KCNQ1: variants seen among roughly 807,000 people sequenced by gnomAD.
The protein encoded by KCNQ1 is potassium voltage-gated channel subfamily Q member 1.
Under a neutral mutation model 72.4 loss-of-function variants are expected in KCNQ1, and 49 were observed. The observed-to-expected ratio is 0.68, with a 90% confidence interval of 0.54 to 0.86. The LOEUF (loss-of-function observed/expected upper bound fraction) is 0.86. Ranked by LOEUF, KCNQ1 falls within the 40% of genes least tolerant of loss-of-function variation. The pLI, the probability that KCNQ1 is intolerant of heterozygous loss-of-function variation, is 0.00. For missense variants in KCNQ1, 790 were observed against 945.1 expected (o/e 0.84, Z 2.15); for synonymous variants, 450 against 412.6 (o/e 1.09, Z -1.10).
chr11:2,632,836 T>C (rs1424423215), intron 10 of KCNQ1: 1 of 398,470 alleles, frequency 2.5e-6, no homozygotes, highest in Non-Finnish European at 4.4e-6. Context: ...AGATTTAAGT[T>C]GATTCCATAT....
chr11:2,462,803 G>A lies in KCNQ1; in HGVS notation c.386+17319G>A, dbSNP rs1846297511. On this transcript the variant is annotated intron_variant, in intron 1 of 15. Transcript: ENST00000155840. The surrounding 1 kb of genome is among the most constrained non-coding windows in gnomAD (Gnocchi z 8.2). ...GGAAGGCCTGGAGGTTTGAGGAGCA[G>A]AAAGTAGACCCTTGACCCTCCCTGG... 6.6e-6 allele frequency among the ~76,000 whole-genome samples: 1 copy of A among 152,170 alleles called. No homozygotes were observed. The highest frequency in any genetic ancestry group is 1.5e-5 in the Non-Finnish European group (1 of 68,020).
At chr11:2,525,873 C>T (rs1847493867) in intron 1 of KCNQ1, among the ~76,000 whole-genome samples, 1 of 152,212 alleles carries the variant, frequency 6.6e-6, no homozygotes, top group South Asian at 2.1e-4. Flanking sequence ...CAGGCTGCGT[C>T]CCGGGCATGG....
intron 1 of KCNQ1, among the ~76,000 whole-genome samples, chr11:2,485,520 T>C (rs972822049): frequency 6.6e-6 from 1 of 152,064 alleles, no homozygotes; most frequent in Non-Finnish European, 1.5e-5. Context: ...AGATCTTTAA[T>C]TGCGGTAAGA....
chr11:2,650,710 G>GT, intron 10 of KCNQ1: 1 of 398,640 alleles, frequency 2.5e-6, no homozygotes, highest in East Asian at 3.6e-5. Flanking sequence ...GCAGTGCTGG[G>GT]CAGGGGACTA....
At chr11:2,812,591 C>A (rs1240360740) in intron 15 of KCNQ1, among the ~76,000 whole-genome samples, 3 of 152,222 alleles carry the variant, frequency 2.0e-5, no homozygotes, top group African/African-American at 4.8e-5. Flanking sequence ...TCCCCAGGGG[C>A]TCCCGGCTTT....
At chr11:2,636,379 G>C (rs1405287805) in intron 10 of KCNQ1, 1 of 151,934 alleles carries the variant, frequency 6.6e-6, no homozygotes, top group East Asian at 1.9e-4. Context: ...AATTTATTGA[G>C]AGTTTTTAGC....
Position 2,627,079 on chromosome 11 carries a change from C to A in KCNQ1, c.1394-34882C>A, listed in dbSNP as rs1849273293. ...CATAGGAGGTGTTTTCCCTTTATGTCTACTTTAATTTCTTTCAGCATTGTT... is the reference window on the plus strand; with the variant it reads ...CATAGGAGGTGTTTTCCCTTTATGTATACTTTAATTTCTTTCAGCATTGTT... On this transcript the variant is annotated intron_variant, in intron 10 of 15. Transcript: ENST00000155840. This position sits in a 1 kb window ranked among gnomAD's most constrained non-coding sequence, Gnocchi z 4.9. 2 of 398,450 alleles carry A rather than the reference C, an allele frequency of 5.0e-6. No homozygotes were observed. Among genetic ancestry groups the A allele is most frequent in the Non-Finnish European group, 8.8e-6 (2 of 226,020 alleles). The allele number at this position is 398,450 out of a possible 1,614,324, so 24.7% of individuals were successfully genotyped here.
At chr11:2,697,779 C>T in intron 11 of KCNQ1, 1 of 398,594 alleles carries the variant, frequency 2.5e-6, no homozygotes, top group Non-Finnish European at 4.4e-6. Context: ...TAGCATTGTA[C>T]AAGGAACTTC....
In KCNQ1 at chr11:2,673,254, A is replaced by T. The variant is rs940976036; in HGVS notation, c.1514+11173A>T. 2.6e-4 allele frequency: 103 copies of T among 398,684 alleles called. 1 individual carries two copies. The highest frequency in any genetic ancestry group is 1.3e-3 in the East Asian group (36 of 28,076). The allele number at this position is 398,684 out of a possible 1,614,324, so 24.7% of individuals were successfully genotyped here. A position where few individuals can be genotyped will look rare whatever the true frequency, so the allele number is the denominator to read the frequency against. On this transcript the variant is annotated intron_variant, in intron 11 of 15. Transcript: ENST00000155840. The surrounding 1 kb of genome is among the most constrained non-coding windows in gnomAD (Gnocchi z 4.5). ...AGATTCTGGGGACTGGGTGATGCAG[A>T]CTGCAAAGCCTCAGCCACCTTCTCC...
At position 2,734,708 on chromosome 11, in the gene KCNQ1, G is replaced by A. The variant is rs1262880553; in HGVS notation, c.1515-34136G>A. On this transcript the variant is annotated intron_variant, in intron 11 of 15. Coordinates refer to ENST00000155840, the MANE Select transcript of KCNQ1 (RefSeq NM_000218.3). The surrounding 1 kb of genome is among the most constrained non-coding windows in gnomAD (Gnocchi z 7.0). ...AGGCACATTCAGTGCCAGCCAGGGA[G>A]GTGAGAGGTAATCCTGGAAGCTGCT... Among the ~76,000 whole-genome samples, 1 of 152,082 alleles carries A rather than the reference G, an allele frequency of 6.6e-6. No homozygotes were observed. The highest frequency in any genetic ancestry group is 1.5e-5 in the Non-Finnish European group (1 of 68,020).
In KCNQ1 at chr11:2,682,773, G is replaced by C; in HGVS notation, c.1514+20692G>C. 3 of 398,656 alleles carry C rather than the reference G, an allele frequency of 7.5e-6. No individual in the cohort carries two copies. The highest frequency in any genetic ancestry group is 8.8e-6 in the Non-Finnish European group (2 of 226,094). The allele number at this position is 398,656 out of a possible 1,614,324, so 24.7% of individuals were successfully genotyped here. A position where few individuals can be genotyped will look rare whatever the true frequency, so the allele number is the denominator to read the frequency against. ...TCTCTGTTGACATTCTAGAAATGCA[G>C]GGAAATCTGGGCACCATGAAATGCA... On this transcript the variant is annotated intron_variant, in intron 11 of 15. Coordinates refer to ENST00000155840, the MANE Select transcript of KCNQ1 (RefSeq NM_000218.3). The surrounding 1 kb of genome is among the most constrained non-coding windows in gnomAD (Gnocchi z 5.8).
chr11:2,583,114 C>A (rs950905606), intron 6 of KCNQ1, among the ~76,000 whole-genome samples: 1 of 152,116 alleles, frequency 6.6e-6, no homozygotes, highest in Non-Finnish European at 1.5e-5. Context: ...CTCCTGGGGA[C>A]AGGCAGGCAG....
At chr11:2,846,717 C>A (rs947606001) in intron 15 of KCNQ1, among the ~76,000 whole-genome samples, 3 of 152,262 alleles carry the variant, frequency 2.0e-5, no homozygotes, top group Admixed American at 6.5e-5. Flanking sequence ...CACTTCCCAC[C>A]CGGGGCGGGC....
chr11:2,501,403 T>G (rs905740286), intron 1 of KCNQ1, among the ~76,000 whole-genome samples: 1 of 152,118 alleles, frequency 6.6e-6, no homozygotes, highest in African/African-American at 2.4e-5. Flanking sequence ...TGAGCAACTC[T>G]ATGCCAATAA....
At position 2,652,175 on chromosome 11, in the gene KCNQ1, C is replaced by A; in HGVS notation, c.1394-9786C>A. ...CGCCCTCGGGGCCTGGGGGTGGGGC[C>A]CCAGCAGATGTCTGGATTTGGTAGC... On this transcript the variant is annotated intron_variant, in intron 10 of 15. Coordinates refer to ENST00000155840, the MANE Select transcript of KCNQ1 (RefSeq NM_000218.3). This position sits in a 1 kb window ranked among gnomAD's most constrained non-coding sequence, Gnocchi z 5.9. 2 of 398,564 alleles carry A rather than the reference C, an allele frequency of 5.0e-6. No individual in the cohort carries two copies. Among genetic ancestry groups the A allele is most frequent in the Non-Finnish European group, 8.8e-6 (2 of 226,106 alleles). The allele number at this position is 398,564 out of a possible 1,614,324, so 24.7% of individuals were successfully genotyped here. A position where few individuals can be genotyped will look rare whatever the true frequency, so the allele number is the denominator to read the frequency against.
chr11:2,509,061 C>T lies in KCNQ1; in HGVS notation c.387-18867C>T, dbSNP rs902613522. On this transcript the variant is annotated intron_variant, in intron 1 of 15. Transcript: ENST00000155840. The surrounding 1 kb of genome is among the most constrained non-coding windows in gnomAD (Gnocchi z 6.3). ...GCTTCCTGGAGGAGGAGCTATTGCTCAGGGTGAAATAGAGGTCTTGAAATT... is the reference window on the plus strand; with the variant it reads ...GCTTCCTGGAGGAGGAGCTATTGCTTAGGGTGAAATAGAGGTCTTGAAATT... Among the ~76,000 whole-genome samples, 31 of 152,166 alleles carry T rather than the reference C, an allele frequency of 2.0e-4. No individual in the cohort carries two copies. The highest frequency in any genetic ancestry group is 7.4e-5 in the Non-Finnish European group (5 of 68,026).
In KCNQ1 at chr11:2,645,107, A is replaced by T. The variant is rs1031079695; in HGVS notation, c.1394-16854A>T. On this transcript the variant is annotated intron_variant, in intron 10 of 15. Coordinates refer to ENST00000155840, the MANE Select transcript of KCNQ1 (RefSeq NM_000218.3). This position sits in a 1 kb window ranked among gnomAD's most constrained non-coding sequence, Gnocchi z 5.8. ...TAGGTCCTTGAGCTCTGAGCAGCAG[A>T]TATGGCTTGGGCAATGGCAGTAGCA... The T allele has an allele frequency of 5.0e-6, 2 of 398,576 alleles. No individual in the cohort carries two copies. The highest frequency in any genetic ancestry group is 4.1e-5 in the African/African-American group (2 of 48,636). The allele number at this position is 398,576 out of a possible 1,614,324, so 24.7% of individuals were successfully genotyped here.
Position 2,725,287 on chromosome 11 carries a change from G to A in KCNQ1, c.1515-43557G>A, listed in dbSNP as rs553428745. Reference sequence around the variant, plus strand: ...ACTTGTGAAACACTCCAGGGTCGGGGGCTCAGCCACGGGACCAGCGCTTGC... The same window carrying A: ...ACTTGTGAAACACTCCAGGGTCGGGAGCTCAGCCACGGGACCAGCGCTTGC... On this transcript the variant is annotated intron_variant, in intron 11 of 15. Transcript: ENST00000155840. The surrounding 1 kb of genome is among the most constrained non-coding windows in gnomAD (Gnocchi z 7.2). Among the ~76,000 whole-genome samples, 8 of 152,302 alleles carry A rather than the reference G, an allele frequency of 5.3e-5. No individual in the cohort carries two copies. The highest frequency in any genetic ancestry group is 2.1e-4 in the South Asian group (1 of 4,818).
At position 2,679,851 on chromosome 11, in the gene KCNQ1, A is replaced by G. The variant is rs926951685; in HGVS notation, c.1514+17770A>G. On this transcript the variant is annotated intron_variant, in intron 11 of 15. Transcript: ENST00000155840. This position sits in a 1 kb window ranked among gnomAD's most constrained non-coding sequence, Gnocchi z 4.8. ...TACTTCTGAATTTTATAGGACATGC[A>G]TTTTTTTCATATAAACTTAGAACTA... 61 of 398,102 alleles carry G rather than the reference A, an allele frequency of 1.5e-4. No homozygotes were observed. The highest frequency in any genetic ancestry group is 1.2e-4 in the Non-Finnish European group (28 of 225,988). The allele number at this position is 398,102 out of a possible 1,614,324, so 24.7% of individuals were successfully genotyped here.
Sources: gnomAD v4.1 joint callset for allele counts (sites outside exome capture counted in the v4.1 genomes callset) on GRCh38, gnomAD v4.1.1 for gene constraint, Gnocchi (gnomAD v3.1) non-coding constraint, MANE v1.5 for transcripts, NCBI Gene and HGNC (gene_info 2026-07-23, HGNC 2026-07-21) for gene names.